RAB3IP: variants seen among roughly 807,000 people sequenced by gnomAD.
RAB3IP encodes RAB3A interacting protein, also known as rab-3A-interacting protein.
Under a neutral mutation model 59.1 loss-of-function variants are expected in RAB3IP, and 36 were observed. The ratio of observed to expected loss-of-function variants is 0.61; its 90% CI spans 0.47 to 0.80. RAB3IP has a LOEUF of 0.80. RAB3IP is among the 30% of genes least tolerant of loss of function. The pLI, the probability that RAB3IP is intolerant of heterozygous loss-of-function variation, is 0.00. For missense variants in RAB3IP, 511 were observed against 536.0 expected (o/e 0.95, Z 0.46); for synonymous variants, 207 against 191.2 (o/e 1.08, Z -0.68).
At chr12:69,808,728 CT>C (rs887132952) in intron 8 of RAB3IP, among the ~76,000 whole-genome samples, 2 of 152,034 alleles carry the variant, frequency 1.3e-5, no homozygotes, top group East Asian at 1.9e-4. Flanking sequence ...CAACCCCTGC[CT>C]TTTTTTGTTT....
chr12:69,798,140 A>G (rs1172096492), intron 6 of RAB3IP, among the ~76,000 whole-genome samples: 1 of 152,194 alleles, frequency 6.6e-6, no homozygotes, highest in Non-Finnish European at 1.5e-5. Flanking sequence ...AGTCCCACCA[A>G]CAGTGTAAAA....
At chr12:69,746,389 C>T (rs189199925) in intron 1 of RAB3IP, among the ~76,000 whole-genome samples, 1 of 152,296 alleles carries the variant, frequency 6.6e-6, no homozygotes, top group East Asian at 1.9e-4. Context: ...CCCTGACTGT[C>T]CTATCCTATT....
chr12:69,815,323 G>C lies in RAB3IP; in HGVS notation c.1301-41G>C, dbSNP rs537256310. On this transcript the variant is annotated intron_variant, in intron 10 of 10. Coordinates refer to ENST00000247833, the MANE Select transcript of RAB3IP (RefSeq NM_022456.5). Reference sequence around the variant, plus strand: ...CGAAACATTAAAAATAATGAAGATGGTATTTTATGATTTAAATATCTCTCT... The same window carrying C: ...CGAAACATTAAAAATAATGAAGATGCTATTTTATGATTTAAATATCTCTCT... 9 of 1,336,482 alleles carry C rather than the reference G, an allele frequency of 6.7e-6. 1 individual carries two copies. Among genetic ancestry groups the C allele is most frequent in the South Asian group, 1.2e-5 (1 of 84,042 alleles). 82.8% of individuals were successfully genotyped at this position (1,336,482 alleles called of 1,614,324 possible).
chr12:69,791,974 C>T (rs1876699859), intron 4 of RAB3IP, among the ~76,000 whole-genome samples: 1 of 152,150 alleles, frequency 6.6e-6, no homozygotes, highest in Non-Finnish European at 1.5e-5. Context: ...ATGAATACTA[C>T]TCAGTCTTAA....
chr12:69,789,229 G>A (rs1876218116), intron 4 of RAB3IP, among the ~76,000 whole-genome samples: 1 of 151,812 alleles, frequency 6.6e-6, no homozygotes, highest in Non-Finnish European at 1.5e-5. Context: ...ACCCGAGTTT[G>A]TTTCTTGAAA....
intron 3 of RAB3IP, among the ~76,000 whole-genome samples, chr12:69,763,605 A>AT (rs1290250370): frequency 1.3e-5 from 2 of 151,576 alleles, no homozygotes; most frequent in African/African-American, 2.4e-5. Context: ...ACTTGTTAAA[A>AT]TTTTTTTTTC....
chr12:69,781,800 T>G lies in RAB3IP; in HGVS notation c.511-2920T>G, dbSNP rs574746854. 7.2e-5 allele frequency among the ~76,000 whole-genome samples: 11 copies of G among 152,372 alleles called. No homozygotes were observed. In the South Asian group the frequency reaches 2.1e-3, roughly 29 times the overall value. On this transcript the variant is annotated intron_variant, in intron 3 of 10. Transcript: ENST00000247833. ...AAAGGCCATCTGCTGCTTCTAAGTTTGGGCAGTTATGAGTGAATAAAGCTG... is the reference window on the plus strand; with the variant it reads ...AAAGGCCATCTGCTGCTTCTAAGTTGGGGCAGTTATGAGTGAATAAAGCTG...
intron 7 of RAB3IP, among the ~76,000 whole-genome samples, chr12:69,800,833 T>C (rs763843388): frequency 5.9e-5 from 9 of 152,218 alleles, no homozygotes; most frequent in Admixed American, 4.6e-4. Flanking sequence ...GTATAAAAAT[T>C]TAAAGCTGTA....
Position 69,809,717 on chromosome 12 carries a change from C to CA in RAB3IP, c.1131-3060dup, listed in dbSNP as rs761080180. Among the ~76,000 whole-genome samples the CA allele has an allele frequency of 7.0e-4, 107 of 152,332 alleles. No individual in the cohort carries two copies. In the Middle Eastern group the frequency reaches 0.014, roughly 19 times the overall value. ...CGGTTACTGAGGCTTGTGCATTCGT[C>CA]ACGTAGTTCTCATGCCATGGTTTTC... is the stretch of plus-strand genomic sequence containing the variant. On this transcript the variant is annotated intron_variant, in intron 8 of 10. Transcript: ENST00000247833.
At chr12:69,791,999 CT>C (rs1442677198) in intron 4 of RAB3IP, among the ~76,000 whole-genome samples, 6 of 152,126 alleles carry the variant, frequency 3.9e-5, no homozygotes, top group Non-Finnish European at 8.8e-5. Flanking sequence ...GAAATCCTGC[CT>C]TTTGCAACAA....
chr12:69,753,212 C>T (rs4418853), intron 1 of RAB3IP, among the ~76,000 whole-genome samples: 52,138 of 152,008 alleles, frequency 0.34, 9,173 homozygotes, highest in Non-Finnish European at 0.37. Flanking sequence ...TCTCTTTCAA[C>T]TTTGCTGAAA....
chr12:69,811,110 T>C (rs763964840), intron 8 of RAB3IP, among the ~76,000 whole-genome samples: 2 of 152,316 alleles, frequency 1.3e-5, no homozygotes, highest in East Asian at 1.9e-4. Context: ...GAGGCCGTTA[T>C]CCTTAGCAAC....
At chr12:69,800,588 AGGTATGG>A (rs1436048211) in intron 7 of RAB3IP, among the ~76,000 whole-genome samples, 3 of 152,154 alleles carry the variant, frequency 2.0e-5, no homozygotes, top group Non-Finnish European at 4.4e-5. Context: ...GGTATTAAAT[AGGTATGG>A]GGGATAGGAC....
rs1881184122 is a variant in RAB3IP, at chr12:69,816,831, T to C, written c.*1385T>C. 1 of 152,230 alleles carries C rather than the reference T, an allele frequency of 6.6e-6. No individual in the cohort carries two copies. Among genetic ancestry groups the C allele is most frequent in the African/African-American group, 2.4e-5 (1 of 41,448 alleles). 9.4% of individuals were successfully genotyped at this position (152,230 alleles called of 1,614,324 possible). Reference sequence around the variant, plus strand: ...TTTTTTTCAGTCCTGTTCAGAGGTTTGGTCAATCTTACCTGTAGATGACTT... The same window carrying C: ...TTTTTTTCAGTCCTGTTCAGAGGTTCGGTCAATCTTACCTGTAGATGACTT... On this transcript the variant is annotated 3_prime_UTR_variant, in exon 11 of 11. Coordinates refer to ENST00000247833, the MANE Select transcript of RAB3IP (RefSeq NM_022456.5).
intron 4 of RAB3IP, among the ~76,000 whole-genome samples, chr12:69,786,893 G>T (rs1592556589): frequency 6.6e-6 from 1 of 152,230 alleles, no homozygotes; most frequent in Non-Finnish European, 1.5e-5. Context: ...TGACACTGTG[G>T]CTACTTTCTG....
chr12:69,809,037 C>A (rs1046825080), intron 8 of RAB3IP, among the ~76,000 whole-genome samples: 18 of 150,440 alleles, frequency 1.2e-4, no homozygotes, highest in South Asian at 1.0e-3. Context: ...GTGGCTGGTA[C>A]CGGTTGTTCC....
At chr12:69,805,181 GT>G (rs1383565711) in intron 8 of RAB3IP, among the ~76,000 whole-genome samples, 7 of 152,222 alleles carry the variant, frequency 4.6e-5, no homozygotes, top group Admixed American at 2.6e-4. Context: ...TTGAGCAGTG[GT>G]TTGTAGTTCT....
At chr12:69,797,791 G>A (rs1344752884) in intron 6 of RAB3IP, among the ~76,000 whole-genome samples, 1 of 149,788 alleles carries the variant, frequency 6.7e-6, no homozygotes, top group African/African-American at 2.5e-5. Context: ...TTTTGTTCTT[G>A]CGATAGTTTA....
intron 8 of RAB3IP, among the ~76,000 whole-genome samples, chr12:69,811,878 T>C (rs574512891): frequency 6.6e-6 from 1 of 152,338 alleles, no homozygotes; most frequent in East Asian, 1.9e-4. Context: ...ATATATTTAC[T>C]ATATAATTTA....
Sources: allele counts gnomAD v4.1 joint callset (sites outside exome capture counted in the v4.1 genomes callset), GRCh38; gene constraint gnomAD v4.1.1; transcripts MANE v1.5; gene names NCBI Gene and HGNC (gene_info 2026-07-23, HGNC 2026-07-21).